The following SDK1 variants were observed in gnomAD, a reference collection of about 807,000 sequenced individuals.
SDK1 encodes the protein protein sidekick-1.
SDK1 carries 157 observed loss-of-function variants against 245.5 expected under a neutral mutation model. That is an observed-to-expected ratio of 0.64 (90% CI 0.56 to 0.73). The LOEUF (loss-of-function observed/expected upper bound fraction) is 0.73. Ranked by LOEUF, SDK1 falls within the 30% of genes least tolerant of loss-of-function variation. SDK1 has a pLI of 0.00. For synonymous variants in SDK1, 1,647 were observed against 1,278.5 expected (o/e 1.29, Z -6.15); for missense variants, 3,583 against 3,002.3 (o/e 1.19, Z -4.52).
chr7:3,583,008 GTCCT>G, intron 1 of SDK1, among the ~76,000 whole-genome samples: 1 of 152,302 alleles, frequency 6.6e-6, no homozygotes, highest in South Asian at 2.1e-4. Context: ...GCATTCCCAA[GTCCT>G]TCCTTCTGTG....
chr7:3,585,204 C>T (rs780201781), intron 1 of SDK1, among the ~76,000 whole-genome samples: 1 of 152,126 alleles, frequency 6.6e-6, no homozygotes, highest in African/African-American at 2.4e-5. Context: ...GTGCTAGAGA[C>T]GGGTGTTTCA....
intron 40 of SDK1, among the ~76,000 whole-genome samples, chr7:4,225,131 G>A (rs1785353008): frequency 1.3e-5 from 2 of 151,800 alleles, no homozygotes; most frequent in South Asian, 4.2e-4. Flanking sequence ...GCTGTCACAG[G>A]GTCACAGAAG....
rs1164618520 is a variant in SDK1 at position 3,580,988 on chromosome 7, A to C, written c.299-38092A>C. The stretch of plus-strand genomic sequence containing the variant: ...CATCTCAAAAAAAAAAAAAAAAAAA[A>C]AAAAAACCAAAACAAAACCCTGGAA... On this transcript the variant is annotated intron_variant, in intron 1 of 44. Transcript: ENST00000404826. 2.9e-5 allele frequency among the ~76,000 whole-genome samples: 4 copies of C among 136,736 alleles called. 1 individual carries two copies. Among genetic ancestry groups the C allele is most frequent in the African/African-American group, 5.5e-5 (2 of 36,348 alleles). The allele number at this position is 136,736 out of a possible 152,430, so 89.7% of individuals were successfully genotyped here. A position where few individuals can be genotyped will look rare whatever the true frequency, so the allele number is the denominator to read the frequency against.
chr7:3,436,986 A>G (rs1780047605), intron 1 of SDK1, among the ~76,000 whole-genome samples: 1 of 152,222 alleles, frequency 6.6e-6, no homozygotes, highest in Non-Finnish European at 1.5e-5. Context: ...ACAATAAAAA[A>G]AATTTCCTGG....
intron 4 of SDK1, among the ~76,000 whole-genome samples, chr7:3,661,097 G>A (rs548863054): frequency 2.6e-5 from 4 of 152,234 alleles, no homozygotes; most frequent in Non-Finnish European, 5.9e-5. Flanking sequence ...ATCCGTTATT[G>A]CCTACTCCAG....
chr7:3,701,775 C>T (rs1190152970), intron 4 of SDK1, among the ~76,000 whole-genome samples: 3 of 151,962 alleles, frequency 2.0e-5, no homozygotes, highest in African/African-American at 7.2e-5. Context: ...TAGGGATAGA[C>T]ACATGAATCA....
At chr7:3,423,592 G>C (rs536345023) in intron 1 of SDK1, among the ~76,000 whole-genome samples, 27 of 144,090 alleles carry the variant, frequency 1.9e-4, no homozygotes, top group African/African-American at 6.5e-4. Flanking sequence ...TTTCAGTTTT[G>C]TTTTTGATAA....
intron 4 of SDK1, among the ~76,000 whole-genome samples, chr7:3,683,570 C>T (rs1025653909): frequency 6.6e-5 from 10 of 152,218 alleles, no homozygotes; most frequent in South Asian, 2.1e-4. Context: ...ACTGAGCTCA[C>T]GTTCCATCCA....
At chr7:3,484,228 C>T (rs1044486093) in intron 1 of SDK1, among the ~76,000 whole-genome samples, 2 of 152,222 alleles carry the variant, frequency 1.3e-5, no homozygotes, top group Non-Finnish European at 2.9e-5. Flanking sequence ...TCCATGAATT[C>T]ACATCCCTCC....
At chr7:3,686,842 AAT>A (rs1476927313) in intron 4 of SDK1, among the ~76,000 whole-genome samples, 8 of 152,092 alleles carry the variant, frequency 5.3e-5, no homozygotes, top group African/African-American at 1.9e-4. Context: ...GGAGAGTTGG[AAT>A]AATTTCAGTA....
intron 14 of SDK1, among the ~76,000 whole-genome samples, chr7:4,009,625 C>T (rs1373934515): frequency 6.6e-6 from 1 of 152,226 alleles, no homozygotes; most frequent in African/African-American, 2.4e-5. Flanking sequence ...GCGAAGACTG[C>T]GTTCCCAGAA....
chr7:3,831,605 G>C (rs1008119917), intron 5 of SDK1, among the ~76,000 whole-genome samples: 1 of 152,096 alleles, frequency 6.6e-6, no homozygotes, highest in Non-Finnish European at 1.5e-5. Context: ...GTGTAGGCCT[G>C]ATATCCTATG....
At chr7:3,607,188 G>A (rs140154500) in intron 1 of SDK1, among the ~76,000 whole-genome samples, 85 of 151,560 alleles carry the variant, frequency 5.6e-4, no homozygotes, top group Middle Eastern at 6.8e-3. Context: ...AATTTGTTGT[G>A]CTGCTGCTGC....
chr7:4,168,022 G>A (rs959497736), intron 32 of SDK1, among the ~76,000 whole-genome samples: 10 of 152,212 alleles, frequency 6.6e-5, no homozygotes, highest in African/African-American at 2.4e-4. Context: ...TTACAGACAG[G>A]TTAATCCCAA....
chr7:3,432,125 A>ATG (rs869098488), intron 1 of SDK1, among the ~76,000 whole-genome samples: 1 of 90,782 alleles, frequency 1.1e-5, no homozygotes, highest in Non-Finnish European at 2.4e-5. Context: ...AAAAAAAAAA[A>ATG]TATATATATG....
At chr7:3,733,414 A>G (rs917606252) in intron 4 of SDK1, among the ~76,000 whole-genome samples, 3 of 152,198 alleles carry the variant, frequency 2.0e-5, no homozygotes, top group African/African-American at 7.2e-5. Context: ...TGATTTGTAG[A>G]AACTACAGAT....
In SDK1 at chr7:4,076,906, T is replaced by C. The variant is rs149609935; in HGVS notation, c.3011-92T>C. The C allele has an allele frequency of 1.6e-4, 185 of 1,145,180 alleles. 2 individuals carry two copies. The East Asian group carries it at 2.7e-3, about 17-fold the overall frequency. The allele number at this position is 1,145,180 out of a possible 1,614,324, so 70.9% of individuals were successfully genotyped here. On this transcript the variant is annotated intron_variant, in intron 20 of 44. Transcript: ENST00000404826. Reference sequence around the variant, plus strand: ...TCAGCACATCCAGCCAAGCTCTCCATAGCTCCAAGCCTGCAACGATGGTGC... The same window carrying C: ...TCAGCACATCCAGCCAAGCTCTCCACAGCTCCAAGCCTGCAACGATGGTGC...
At chr7:3,645,041 A>G (rs1782786272) in intron 4 of SDK1, among the ~76,000 whole-genome samples, 2 of 152,158 alleles carry the variant, frequency 1.3e-5, no homozygotes, top group Admixed American at 6.5e-5. Context: ...TTAGCAGCAA[A>G]TAAGTCTGTA....
chr7:3,909,816 C>T (rs920198221), intron 5 of SDK1, among the ~76,000 whole-genome samples: 1 of 152,300 alleles, frequency 6.6e-6, no homozygotes, highest in East Asian at 1.9e-4. Flanking sequence ...AGCGAGGCAC[C>T]TCTTCATATA....
Sources: gnomAD v4.1 joint callset for allele counts (sites outside exome capture counted in the v4.1 genomes callset) on GRCh38, gnomAD v4.1.1 for gene constraint, MANE v1.5 for transcripts, NCBI Gene and HGNC (gene_info 2026-07-23, HGNC 2026-07-21) for gene names.